ECT2L: variants seen among roughly 807,000 people sequenced by gnomAD.
The protein encoded by ECT2L is epithelial cell transforming 2 like.
A neutral mutation model predicts 122.8 loss-of-function variants in ECT2L; 126 were observed. That is an observed-to-expected ratio of 1.03 (90% confidence interval 0.89 to 1.19). The LOEUF (loss-of-function observed/expected upper bound fraction) is 1.19, where lower values mean the gene tolerates loss of function less well. Among genes scored for constraint, ECT2L ranks in the 50% most tolerant of loss-of-function variants. The pLI is 0.00. For missense variants in ECT2L, 1,012 were observed against 1,064.1 expected (o/e 0.95, Z 0.68); for synonymous variants, 385 against 381.8 (o/e 1.01, Z -0.10).
intron 8 of ECT2L, 27 bp downstream of exon 8, chr6:138,846,704 G>C: frequency 1.4e-6 from 2 of 1,448,220 alleles, no homozygotes; most frequent in Non-Finnish European, 1.8e-6. Flanking sequence ...GGCCAGTCCT[G>C]TCCTGATTGT....
At chr6:138,896,348 C>T (rs1779212019) in intron 20 of ECT2L, among the ~76,000 whole-genome samples, 1 of 152,134 alleles carries the variant, frequency 6.6e-6, no homozygotes, top group African/African-American at 2.4e-5. Context: ...ATAGAGCCAT[C>T]CACTTCCCAG....
At chr6:138,851,591 T>C (rs530202675) in intron 9 of ECT2L, among the ~76,000 whole-genome samples, 1 of 151,790 alleles carries the variant, frequency 6.6e-6, no homozygotes, top group Non-Finnish European at 1.5e-5. Context: ...CATCTTTTAA[T>C]AGGCTTGTTG....
intron 16 of ECT2L, among the ~76,000 whole-genome samples, chr6:138,883,672 T>A (rs903935884): frequency 6.6e-6 from 1 of 152,174 alleles, no homozygotes; most frequent in Non-Finnish European, 1.5e-5. Context: ...CTGGACAACT[T>A]GATGATTCAA....
chr6:138,868,933 G>A (rs1327602742), intron 13 of ECT2L, among the ~76,000 whole-genome samples: 7 of 152,174 alleles, frequency 4.6e-5, no homozygotes, highest in African/African-American at 9.7e-5. Flanking sequence ...TTGGGAGGCC[G>A]AGGCAGGCGG....
intron 8 of ECT2L, among the ~76,000 whole-genome samples, chr6:138,849,037 T>A (rs1777331773): frequency 6.6e-6 from 1 of 152,222 alleles, no homozygotes; most frequent in South Asian, 2.1e-4. Flanking sequence ...GTAATCTAAA[T>A]TGTTAATAGT....
At position 138,865,127 on chromosome 6, in the gene ECT2L, C is replaced by T. The variant is rs1180197575; in HGVS notation, c.1423C>T (p.Leu475=). The change falls in exon 12 of 22, where the codon CTG becomes TTG. Residue 475 remains leucine, a synonymous_variant. Transcript: ENST00000541398. The stretch of plus-strand genomic sequence containing the variant: ...AACCTTGAAAACAGTAAGGAAGCAG[C>T]TGTATCCTTTCTTCAAGGAACTGCA... ...EETLKTVRKQ[L]YPFFKELQKS... 2.5e-6 allele frequency: 4 copies of T among 1,613,866 alleles called. No homozygotes were observed. Among genetic ancestry groups the T allele is most frequent in the East Asian group, 4.5e-5 (2 of 44,894 alleles).
chr6:138,806,930 A>G (rs1326412682), intron 1 of ECT2L, among the ~76,000 whole-genome samples: 3 of 152,266 alleles, frequency 2.0e-5, no homozygotes, highest in Non-Finnish European at 4.4e-5. Context: ...TATATACTGT[A>G]TTCTCTCAAG....
intron 4 of ECT2L, among the ~76,000 whole-genome samples, chr6:138,817,791 T>A (rs1776121322): frequency 6.6e-6 from 1 of 152,234 alleles, no homozygotes; most frequent in African/African-American, 2.4e-5. Context: ...AAAATGTCCC[T>A]TCTCCTGGGA....
chr6:138,847,432 G>A (rs181507810), intron 8 of ECT2L, among the ~76,000 whole-genome samples: 3,702 of 115,488 alleles, frequency 0.032, 178 homozygotes, highest in African/African-American at 0.11. Context: ...GTGCAGTGGC[G>A]CAATCTCGGC....
intron 8 of ECT2L, 114 bp downstream of exon 8, chr6:138,846,791 G>C (rs1348451705): frequency 2.2e-5 from 27 of 1,216,440 alleles, no homozygotes; most frequent in Non-Finnish European, 2.8e-5. Context: ...TATGAAAAAT[G>C]ATTCAACTTC....
chr6:138,866,300 G>A (rs536926313), intron 12 of ECT2L, among the ~76,000 whole-genome samples: 24 of 152,086 alleles, frequency 1.6e-4, no homozygotes, highest in Middle Eastern at 3.4e-3. Flanking sequence ...GGCATGCACC[G>A]CCATGCCTGG....
intron 5 of ECT2L, among the ~76,000 whole-genome samples, chr6:138,842,345 C>T (rs1777067319): frequency 1.3e-5 from 2 of 152,148 alleles, no homozygotes; most frequent in Admixed American, 1.3e-4. Context: ...CCTGTAATCC[C>T]AGCTACTCAG....
At chr6:138,863,079 C>T (rs1022731385) in intron 11 of ECT2L, among the ~76,000 whole-genome samples, 1 of 152,028 alleles carries the variant, frequency 6.6e-6, no homozygotes, top group African/African-American at 2.4e-5. Flanking sequence ...AAAAATAAAT[C>T]GTAGCTACAA....
In ECT2L at chr6:138,889,027, T is replaced by C; in HGVS notation, c.2410T>C (p.Leu804=). 1 of 1,538,540 alleles carries C rather than the reference T, an allele frequency of 6.5e-7. No homozygotes were observed. Residue 804 remains leucine (L), a synonymous_variant, in exon 20 of 22, where the codon TTA becomes CTA. Transcript: ENST00000541398. ...CTGTGATGAAGAAATAAGTTTCTCT[T>C]TAAGGTAAACAATAGTTAACTATCC... is the stretch of plus-strand genomic sequence containing the variant. The part of the protein sequence containing the change: ...HCCDEEISFS[L]RLYEHIHDLS...
At chr6:138,854,514 G>T (rs1777552455) in intron 10 of ECT2L, among the ~76,000 whole-genome samples, 1 of 152,106 alleles carries the variant, frequency 6.6e-6, no homozygotes, top group Non-Finnish European at 1.5e-5. Flanking sequence ...TCTGAACCTG[G>T]AGTAGGCATG....
intron 4 of ECT2L, among the ~76,000 whole-genome samples, chr6:138,816,836 CG>C (rs886069000): frequency 2.6e-5 from 4 of 152,152 alleles, no homozygotes; most frequent in Non-Finnish European, 5.9e-5. Context: ...CACCCATTTA[CG>C]GGTACAATTC....
intron 13 of ECT2L, among the ~76,000 whole-genome samples, chr6:138,873,560 G>A (rs1191048314): frequency 1.3e-5 from 2 of 152,218 alleles, no homozygotes; most frequent in African/African-American, 2.4e-5. Context: ...TTGGGAGGCC[G>A]AGGTGGGTGG....
intron 20 of ECT2L, among the ~76,000 whole-genome samples, chr6:138,896,403 T>C (rs544778180): frequency 3.3e-5 from 5 of 152,324 alleles, no homozygotes; most frequent in South Asian, 2.1e-4. Flanking sequence ...GCCAAAAAGA[T>C]ACACTGTAAA....
intron 10 of ECT2L, among the ~76,000 whole-genome samples, chr6:138,862,140 G>A (rs186049941): frequency 6.6e-5 from 10 of 152,276 alleles, no homozygotes; most frequent in Middle Eastern, 3.4e-3. Context: ...GTGCCCCTAC[G>A]TAATATTTAA....
Sources: allele counts gnomAD v4.1 joint callset (sites outside exome capture counted in the v4.1 genomes callset), GRCh38; gene constraint gnomAD v4.1.1; transcripts MANE v1.5; gene names NCBI Gene and HGNC (gene_info 2026-07-23, HGNC 2026-07-21).